Variants in KPNA4 observed in about 807,000 individuals in gnomAD.
The protein encoded by KPNA4 is importin subunit alpha-3.
KPNA4 carries 13 observed loss-of-function variants against 71.3 expected under a neutral mutation model. The ratio of observed to expected loss-of-function variants is 0.18; its 90% CI spans 0.12 to 0.29. The LOEUF is 0.29. Among genes scored for constraint, KPNA4 ranks in the 10% least tolerant of loss-of-function variants. The pLI is 1.00. For missense variants in KPNA4, 334 were observed against 603.2 expected (o/e 0.55, Z 4.67); for synonymous variants, 189 against 195.2 (o/e 0.97, Z 0.26).
At chr3:160,559,798 A>G (rs561411165) in intron 1 of KPNA4, among the ~76,000 whole-genome samples, 4 of 152,296 alleles carry the variant, frequency 2.6e-5, no homozygotes, top group Non-Finnish European at 4.4e-5. Flanking sequence ...ATGCAGAAAC[A>G]GATGAGAATT....
intron 15 of KPNA4, 96 bp from the exon 16 acceptor site, chr3:160,505,148 G>A (rs1293354254): frequency 1.5e-5 from 8 of 538,142 alleles, no homozygotes; most frequent in South Asian, 5.7e-5. Context: ...TTTCTGAATC[G>A]CAAATTTTTT....
intron 10 of KPNA4, among the ~76,000 whole-genome samples, chr3:160,524,931 C>A (rs960210785): frequency 1.3e-5 from 2 of 152,190 alleles, no homozygotes; most frequent in African/African-American, 2.4e-5. Context: ...AGCAGCTTGT[C>A]CAACACTGGT....
At chr3:160,528,620 C>T (rs1490181121) in intron 7 of KPNA4, among the ~76,000 whole-genome samples, 1 of 151,852 alleles carries the variant, frequency 6.6e-6, no homozygotes, top group African/African-American at 2.4e-5. Flanking sequence ...CCTGCCTTGG[C>T]CTCCCAAAGT....
At chr3:160,539,415 T>C in intron 1 of KPNA4, among the ~76,000 whole-genome samples, 2 of 152,322 alleles carry the variant, frequency 1.3e-5, no homozygotes, top group Middle Eastern at 6.8e-3. Context: ...CTTTATTTCT[T>C]TTTAAAAATA....
chr3:160,504,910 A>G (rs746232954), intron 16 of KPNA4, 48 bp downstream of exon 16: 2 of 868,040 alleles, frequency 2.3e-6, no homozygotes, highest in South Asian at 4.5e-5. Context: ...CTTTATCCAG[A>G]TCTATGTTTA....
chr3:160,559,303 C>A (rs1207531715), intron 1 of KPNA4, among the ~76,000 whole-genome samples: 1 of 151,978 alleles, frequency 6.6e-6, no homozygotes, highest in African/African-American at 2.4e-5. Flanking sequence ...ATTGAGCTTC[C>A]CAGAGAAAGT....
At chr3:160,519,538 T>C (rs1446713082) in intron 11 of KPNA4, among the ~76,000 whole-genome samples, 1 of 152,066 alleles carries the variant, frequency 6.6e-6, no homozygotes, top group Non-Finnish European at 1.5e-5. Context: ...CTCACGCCTG[T>C]AATCCCAGCA....
chr3:160,515,028 T>C (rs1482869016), intron 12 of KPNA4: 2 of 519,122 alleles, frequency 3.9e-6, no homozygotes, highest in Admixed American at 3.9e-5. Context: ...ACCCATGTTA[T>C]TTCTACAACA....
intron 5 of KPNA4, among the ~76,000 whole-genome samples, chr3:160,534,537 G>A (rs1056092585): frequency 6.6e-6 from 1 of 151,406 alleles, no homozygotes; most frequent in Non-Finnish European, 1.5e-5. Context: ...GGCCAAGATG[G>A]TGAAACCCTG....
chr3:160,544,211 T>A (rs2108556897), intron 1 of KPNA4, among the ~76,000 whole-genome samples: 2 of 152,276 alleles, frequency 1.3e-5, no homozygotes, highest in Middle Eastern at 3.4e-3. Flanking sequence ...CCAAACTGTG[T>A]GTGTGTGTTC....
At chr3:160,503,006 G>T (rs370452676) in intron 16 of KPNA4, among the ~76,000 whole-genome samples, 2 of 152,110 alleles carry the variant, frequency 1.3e-5, no homozygotes, top group South Asian at 4.1e-4. Context: ...AGCTACTTGG[G>T]AGGTTGAGGG....
Position 160,501,439 on chromosome 3 carries a change from A to G in KPNA4, c.*665T>C, listed in dbSNP as rs1460644721. On this transcript the variant is annotated 3_prime_UTR_variant, in exon 17 of 17. Coordinates refer to ENST00000334256, the MANE Select transcript of KPNA4 (RefSeq NM_002268.5). ...TGTCCAGTGTACATTAACACTTATGATCTCATTTTGATGATTTACTAGGTT... is the reference window on the plus strand; with the variant it reads ...TGTCCAGTGTACATTAACACTTATGGTCTCATTTTGATGATTTACTAGGTT... 5 of 152,442 alleles carry G rather than the reference A, an allele frequency of 3.3e-5. No homozygotes were observed. The highest frequency in any genetic ancestry group is 7.4e-5 in the Non-Finnish European group (5 of 68,010). The allele number at this position is 152,442 out of a possible 1,614,324, so 9.4% of individuals were successfully genotyped here. A position where few individuals can be genotyped will look rare whatever the true frequency, so the allele number is the denominator to read the frequency against.
chr3:160,553,085 T>G (rs1295316686), intron 1 of KPNA4, among the ~76,000 whole-genome samples: 3 of 152,192 alleles, frequency 2.0e-5, no homozygotes, highest in African/African-American at 7.2e-5. Flanking sequence ...GAGACAATAA[T>G]GCTTTGCCCC....
rs1720879569 is a variant in KPNA4 at position 160,501,449 on chromosome 3, G to A, written c.*655C>T. 1 of 152,478 alleles carries A rather than the reference G, an allele frequency of 6.6e-6. No homozygotes were observed. Among genetic ancestry groups the A allele is most frequent in the Non-Finnish European group, 1.5e-5 (1 of 68,008 alleles). 9.4% of individuals were successfully genotyped at this position (152,478 alleles called of 1,614,324 possible). A position where few individuals can be genotyped will look rare whatever the true frequency, so the allele number is the denominator to read the frequency against. On this transcript the variant is annotated 3_prime_UTR_variant, in exon 17 of 17. Transcript: ENST00000334256. The stretch of plus-strand genomic sequence containing the variant: ...ACATTAACACTTATGATCTCATTTT[G>A]ATGATTTACTAGGTTATCAGCCCCC...
chr3:160,551,811 G>A (rs1269453203), intron 1 of KPNA4, among the ~76,000 whole-genome samples: 2 of 152,186 alleles, frequency 1.3e-5, no homozygotes, highest in East Asian at 1.9e-4. Context: ...GGGTTGAGAA[G>A]TGAAAACAGC....
At chr3:160,561,417 C>T (rs1332793519) in intron 1 of KPNA4, among the ~76,000 whole-genome samples, 3 of 151,768 alleles carry the variant, frequency 2.0e-5, no homozygotes, top group African/African-American at 7.2e-5. Flanking sequence ...TATTCTCAAA[C>T]TAAGACTGGG....
intron 13 of KPNA4, among the ~76,000 whole-genome samples, chr3:160,512,831 A>C (rs1721125295): frequency 6.6e-6 from 1 of 152,174 alleles, no homozygotes; most frequent in African/African-American, 2.4e-5. Flanking sequence ...CCGTCTAAAA[A>C]AAAACAACAA....
At chr3:160,523,706 C>A (rs1721404026) in intron 10 of KPNA4, among the ~76,000 whole-genome samples, 1 of 151,972 alleles carries the variant, frequency 6.6e-6, no homozygotes, top group African/African-American at 2.4e-5. Context: ...AAAAAATTAG[C>A]CAGGCGTGGT....
intron 1 of KPNA4, chr3:160,564,304 CA>C (rs1722297308): frequency 6.6e-6 from 1 of 151,878 alleles, no homozygotes; most frequent in Non-Finnish European, 1.5e-5. Flanking sequence ...TTTAAATAAT[CA>C]AACGTGATGG....
Sources: gnomAD v4.1 joint callset for allele counts (sites outside exome capture counted in the v4.1 genomes callset) on GRCh38, gnomAD v4.1.1 for gene constraint, MANE v1.5 for transcripts, NCBI Gene and HGNC (gene_info 2026-07-23, HGNC 2026-07-21) for gene names.